Variants in ANK3 observed in about 807,000 individuals in gnomAD.
ANK3 encodes the protein ankyrin 3.
A neutral mutation model predicts 370.9 loss-of-function variants in ANK3; 57 were observed. That is an observed-to-expected ratio of 0.15 (90% confidence interval 0.12 to 0.19). The LOEUF is 0.19. ANK3 is among the 10% of genes least tolerant of loss of function. The pLI is 1.00. For synonymous variants in ANK3, 1,929 were observed against 1,946.3 expected (o/e 0.99, Z 0.23); for missense variants, 4,439 against 5,302.1 (o/e 0.84, Z 5.06).
At chr10:60,250,964 G>T (rs2097654144) in intron 7 of ANK3, among the ~76,000 whole-genome samples, 1 of 152,142 alleles carries the variant, frequency 6.6e-6, no homozygotes, top group Non-Finnish European at 1.5e-5. Flanking sequence ...TGCCTTTGAT[G>T]TTACAATATT....
intron 1 of ANK3, among the ~76,000 whole-genome samples, chr10:60,346,483 TA>T (rs2055523536): frequency 6.6e-6 from 1 of 151,992 alleles, no homozygotes; most frequent in South Asian, 2.1e-4. Flanking sequence ...TAAATTCAGA[TA>T]AAAACAATAT....
chr10:60,551,227 G>T (rs1414480578), intron 2 of ANK3, among the ~76,000 whole-genome samples: 1 of 152,022 alleles, frequency 6.6e-6, no homozygotes, highest in South Asian at 2.1e-4. Flanking sequence ...AAATGAAAAG[G>T]CATGGTCAAT....
chr10:60,612,653 G>A (rs536994919), intron 2 of ANK3, among the ~76,000 whole-genome samples: 3 of 152,024 alleles, frequency 2.0e-5, no homozygotes, highest in Non-Finnish European at 2.9e-5. Context: ...CACCATGCCC[G>A]GCTAATTTTT....
intron 1 of ANK3, among the ~76,000 whole-genome samples, chr10:60,685,564 C>T (rs1283615892): frequency 6.6e-6 from 1 of 152,152 alleles, no homozygotes; most frequent in Non-Finnish European, 1.5e-5. Context: ...GTTTATTATA[C>T]AGAAATAACC....
chr10:60,318,705 A>G (rs2047992630), intron 1 of ANK3, among the ~76,000 whole-genome samples: 1 of 152,204 alleles, frequency 6.6e-6, no homozygotes. Context: ...CCAGAACACC[A>G]AGAAGAAAAG....
intron 2 of ANK3, among the ~76,000 whole-genome samples, chr10:60,489,310 A>G (rs2075431444): frequency 1.3e-5 from 2 of 152,206 alleles, no homozygotes; most frequent in African/African-American, 4.8e-5. Context: ...CCAAGTGCCC[A>G]GGAGCCAAGA....
At chr10:60,250,571 T>A (rs1330815881) in intron 7 of ANK3, among the ~76,000 whole-genome samples, 3 of 152,084 alleles carry the variant, frequency 2.0e-5, no homozygotes, top group East Asian at 1.9e-4. Flanking sequence ...TTCACCATGT[T>A]AGCCAGGATG....
At chr10:60,095,530 A>T (rs1008502043) in intron 28 of ANK3, among the ~76,000 whole-genome samples, 2 of 152,124 alleles carry the variant, frequency 1.3e-5, no homozygotes, top group Non-Finnish European at 2.9e-5. Flanking sequence ...ACAGATGTAC[A>T]TCACCACGCC....
Position 60,257,439 on chromosome 10 carries a change from A to C in ANK3, c.798+4420T>G, listed in dbSNP as rs144869818. On this transcript the variant is annotated intron_variant, in intron 7 of 43. Transcript: ENST00000280772. ...GTGCCTTCACAGATGGAGTTATAGCAGTCATAGGCAGTAGGAAGTAGAATT... is the reference window on the plus strand; with the variant it reads ...GTGCCTTCACAGATGGAGTTATAGCCGTCATAGGCAGTAGGAAGTAGAATT... Among the ~76,000 whole-genome samples the C allele has an allele frequency of 3.1e-3, 477 of 152,350 alleles. 5 individuals carry two copies. Among genetic ancestry groups the C allele is most frequent in the Middle Eastern group, 0.017 (5 of 294 alleles).
intron 1 of ANK3, among the ~76,000 whole-genome samples, chr10:60,691,153 T>C (rs2079346474): frequency 6.6e-6 from 1 of 152,154 alleles, no homozygotes; most frequent in Admixed American, 6.6e-5. Flanking sequence ...CCATGGCAAG[T>C]CTCCCCATCT....
chr10:60,452,439 T>C (rs1437000774), intron 2 of ANK3, among the ~76,000 whole-genome samples: 2 of 152,214 alleles, frequency 1.3e-5, no homozygotes, highest in African/African-American at 2.4e-5. Context: ...ACTGAGAAAC[T>C]GTGCCTGGCC....
At position 60,624,722 on chromosome 10, in the gene ANK3, T is replaced by TAAA. The variant is rs397947661; in HGVS notation, c.58-9501_58-9499dup. ...ACAGTGCATGAGATTATAGTGGCTT[T>TAAA]AAAAAAAAAAAAAAAAAACTGGTGG... On this transcript the variant is annotated intron_variant, in intron 1 of 43. Coordinates refer to the ANK3 transcript ENST00000373827. 1.1e-3 allele frequency among the ~76,000 whole-genome samples: 142 copies of TAAA among 126,956 alleles called. 1 individual carries two copies. Among genetic ancestry groups the TAAA allele is most frequent in the Middle Eastern group, 7.9e-3 (2 of 252 alleles). The allele number at this position is 126,956 out of a possible 152,430, so 83.3% of individuals were successfully genotyped here. A position where few individuals can be genotyped will look rare whatever the true frequency, so the allele number is the denominator to read the frequency against.
At position 60,059,216 on chromosome 10, in the gene ANK3, A is replaced by G. The variant is rs1373035722; in HGVS notation, c.12686+124T>C. 28 of 778,852 alleles carry G rather than the reference A, an allele frequency of 3.6e-5. No individual in the cohort carries two copies. The South Asian group carries it at 3.9e-4, about 11-fold the overall frequency. 48.2% of individuals were successfully genotyped at this position (778,852 alleles called of 1,614,324 possible). On this transcript the variant is annotated intron_variant, in intron 41 of 43. Transcript: ENST00000280772. ...GATTAGCATAATGAACTGGTCTTTA[A>G]AGCAGGTTTTATCCCAGAACTAGAA...
chr10:60,585,471 G>A (rs570506020), intron 2 of ANK3, among the ~76,000 whole-genome samples: 4 of 152,248 alleles, frequency 2.6e-5, no homozygotes, highest in East Asian at 1.9e-4. Context: ...AGTAAGATAG[G>A]ATACTGAGAA....
In ANK3 at chr10:60,177,593, C is replaced by CTTTTTTTTTTTTTTTTTTTTTTTTTT. The variant is rs771714886; in HGVS notation, c.2184+3735_2184+3736insAAAAAAAAAAAAAAAAAAAAAAAAAA. 1.3e-4 allele frequency among the ~76,000 whole-genome samples: 14 copies of CTTTTTTTTTTTTTTTTTTTTTTTTTT among 106,252 alleles called. 1 individual carries two copies. The highest frequency in any genetic ancestry group is 1.8e-4 in the Non-Finnish European group (10 of 55,926). 69.7% of individuals were successfully genotyped at this position (106,252 alleles called of 152,430 possible). A position where few individuals can be genotyped will look rare whatever the true frequency, so the allele number is the denominator to read the frequency against. On this transcript the variant is annotated intron_variant, in intron 18 of 43. Coordinates refer to ENST00000280772, the MANE Select transcript of ANK3 (RefSeq NM_020987.5). ...CCCATACCACACATGGTCTTCAAAT[C>CTTTTTTTTTTTTTTTTTTTTTTTTTT]TTTTTTTTTTTTTTTTTTGTTTGAG...
At chr10:60,230,778 A>G (rs1592122380) in intron 8 of ANK3, among the ~76,000 whole-genome samples, 1 of 151,936 alleles carries the variant, frequency 6.6e-6, no homozygotes, top group Non-Finnish European at 1.5e-5. Context: ...AGTCCCAGCT[A>G]CTCAGGAGGC....
In ANK3 at chr10:60,181,325, A is replaced by G. The variant is rs1307205052; in HGVS notation, c.2184+4T>C. 1 of 1,613,846 alleles carries G rather than the reference A, an allele frequency of 6.2e-7. No individual in the cohort carries two copies. Among genetic ancestry groups the G allele is most frequent in the Non-Finnish European group, 8.5e-7 (1 of 1,179,712 alleles). ...TTTCCGTGTGGCAAGGGAGGGCCGT[A>G]TACCTTTGTCTGGGCGTCCACATGA... On this transcript the variant is annotated splice_donor_region_variant and intron_variant, in intron 18 of 43. Transcript: ENST00000280772.
intron 28 of ANK3, among the ~76,000 whole-genome samples, chr10:60,102,910 A>C (rs941678346): frequency 9.2e-5 from 14 of 152,192 alleles, no homozygotes; most frequent in Non-Finnish European, 2.1e-4. Flanking sequence ...GATAAAGCTT[A>C]ATTGTTATGA....
intron 2 of ANK3, among the ~76,000 whole-genome samples, chr10:60,534,324 C>T (rs765555403): frequency 2.0e-5 from 3 of 152,070 alleles, no homozygotes; most frequent in Non-Finnish European, 4.4e-5. Context: ...CTCAGCCTTC[C>T]AGAACTCCAA....
Sources: allele counts gnomAD v4.1 joint callset (sites outside exome capture counted in the v4.1 genomes callset), GRCh38; gene constraint gnomAD v4.1.1; transcripts MANE v1.5; gene names NCBI Gene and HGNC (gene_info 2026-07-23, HGNC 2026-07-21).